The following AKAP8L variants were observed in gnomAD, a reference collection of about 807,000 sequenced individuals.
AKAP8L encodes A-kinase anchoring protein 8 like.
A neutral mutation model predicts 77.5 loss-of-function variants in AKAP8L; 34 were observed. The observed-to-expected ratio is 0.44, with a 90% CI of 0.33 to 0.58. The LOEUF (loss-of-function observed/expected upper bound fraction) is 0.58. AKAP8L is among the 20% of genes least tolerant of loss of function. The pLI is 0.02. For synonymous variants in AKAP8L, 342 were observed against 340.7 expected, an observed-to-expected ratio of 1.00 and a Z score of -0.04; for missense variants, 806 against 887.6, an observed-to-expected ratio of 0.91 and a Z score of 1.17.
rs118019161 is a variant in AKAP8L, at chr19:15,418,930, G to C, written c.-7C>G. The C allele has an allele frequency of 2.8e-5, 45 of 1,603,414 alleles. 1 individual carries two copies. In the Admixed American group the frequency reaches 6.8e-4, roughly 24 times the overall value. On this transcript the variant is annotated 5_prime_UTR_variant, in exon 1 of 14. Coordinates refer to ENST00000397410, the MANE Select transcript of AKAP8L (RefSeq NM_014371.4). Reference sequence around the variant, plus strand: ...GCCCACCTGTGTAGCTCATGGTGGCGGGCAACACAACATCCGACGACGCCG... The same window carrying C: ...GCCCACCTGTGTAGCTCATGGTGGCCGGCAACACAACATCCGACGACGCCG...
rs1016225660 is a variant in AKAP8L, at chr19:15,416,079, G to A, written c.13+2832C>T. Among the ~76,000 whole-genome samples the A allele has an allele frequency of 4.6e-5, 7 of 151,382 alleles. No individual in the cohort carries two copies. In the East Asian group the frequency reaches 5.8e-4, roughly 13 times the overall value. The stretch of plus-strand genomic sequence containing the variant: ...TGGCCTCAAGCAATCTTCCTGCCTC[G>A]GCCTCCCAAAGTGTTGTGATTACAA... On this transcript the variant is annotated intron_variant, in intron 1 of 13. Coordinates refer to ENST00000397410, the MANE Select transcript of AKAP8L (RefSeq NM_014371.4).
intron 1 of AKAP8L, among the ~76,000 whole-genome samples, chr19:15,416,386 G>A (rs1219374285): frequency 6.6e-6 from 1 of 152,142 alleles, no homozygotes; most frequent in African/African-American, 2.4e-5. Flanking sequence ...TGCTCTTTCT[G>A]GGATCATTCA....
At chr19:15,404,901 C>T (rs1967966647) in intron 2 of AKAP8L, among the ~76,000 whole-genome samples, 2 of 152,230 alleles carry the variant, frequency 1.3e-5, no homozygotes, top group Admixed American at 1.3e-4. Context: ...TCGTCCTGCA[C>T]TTGGGTTCCT....
At chr19:15,415,176 G>T (rs1474241745) in intron 1 of AKAP8L, among the ~76,000 whole-genome samples, 1 of 152,146 alleles carries the variant, frequency 6.6e-6, no homozygotes, top group Non-Finnish European at 1.5e-5. Flanking sequence ...GCTCATGTCT[G>T]TAATACCAGT....
chr19:15,396,371 T>C (rs1967776442), intron 12 of AKAP8L, among the ~76,000 whole-genome samples: 1 of 152,096 alleles, frequency 6.6e-6, no homozygotes, highest in Non-Finnish European at 1.5e-5. Flanking sequence ...CAACACAGCA[T>C]GTCATCCATT....
chr19:15,418,555 A>G (rs1053235139), intron 1 of AKAP8L, among the ~76,000 whole-genome samples: 2 of 152,202 alleles, frequency 1.3e-5, no homozygotes, highest in Non-Finnish European at 2.9e-5. Context: ...GCCTGCTCGC[A>G]AGGACCAAGG....
At chr19:15,389,533 G>A (rs1826115094) in intron 12 of AKAP8L, among the ~76,000 whole-genome samples, 1 of 152,088 alleles carries the variant, frequency 6.6e-6, no homozygotes, top group Non-Finnish European at 1.5e-5. Context: ...AGCACTTTGG[G>A]AGGCCGAGGC....
At chr19:15,407,893 A>C (rs1425035471) in intron 2 of AKAP8L, among the ~76,000 whole-genome samples, 2 of 152,274 alleles carry the variant, frequency 1.3e-5, no homozygotes, top group Admixed American at 6.5e-5. Context: ...AAAACTTCAT[A>C]AACTGATTCT....
Position 15,380,400 on chromosome 19 carries a change from C to A in AKAP8L, c.1663G>T (p.Glu555Ter). ...TCAGCCTCCTCCTGCTCCTTCTCCT[C>A]CTCGGGGCTGTCGGTGAAAGGGTTC... is the stretch of plus-strand genomic sequence containing the variant. ...GENPFTDSPE[E>*]EKEQEEAEGG... The change falls in exon 14 of 14, where the codon GAG (glutamate) becomes TAG (stop). Residue 555 changes from glutamate (E) to a stop codon, truncating the protein, a stop_gained. Transcript: ENST00000397410. LOFTEE classifies it low-confidence loss of function (END_TRUNC). The A allele has an allele frequency of 1.3e-6, 2 of 1,592,936 alleles. No individual in the cohort carries two copies. Among genetic ancestry groups the A allele is most frequent in the Non-Finnish European group, 1.7e-6 (2 of 1,171,290 alleles).
intron 8 of AKAP8L, chr19:15,400,033 C>T: frequency 1.8e-6 from 1 of 554,834 alleles, no homozygotes. Flanking sequence ...CACACTTTTA[C>T]TAGCTGCCCC....
chr19:15,389,546 G>C (rs1195688260), intron 12 of AKAP8L, among the ~76,000 whole-genome samples: 1 of 152,180 alleles, frequency 6.6e-6, no homozygotes, highest in Non-Finnish European at 1.5e-5. Flanking sequence ...GCCGAGGCGG[G>C]CAGATCACGA....
At chr19:15,385,346 T>G (rs1185526168) in intron 12 of AKAP8L, among the ~76,000 whole-genome samples, 1 of 149,992 alleles carries the variant, frequency 6.7e-6, no homozygotes, top group Non-Finnish European at 1.5e-5. Flanking sequence ...CACGTCTGGC[T>G]AATTTTTTGT....
intron 12 of AKAP8L, among the ~76,000 whole-genome samples, chr19:15,395,299 C>T (rs1056986668): frequency 2.7e-5 from 4 of 150,130 alleles, no homozygotes; most frequent in Non-Finnish European, 5.9e-5. Flanking sequence ...CCCAAAGTGC[C>T]GTGCCCATTG....
In AKAP8L at chr19:15,399,888, G is replaced by A; in HGVS notation, c.1048+407C>T. 1 of 318,838 alleles carries A rather than the reference G, an allele frequency of 3.1e-6. No individual in the cohort carries two copies. 19.8% of individuals were successfully genotyped at this position (318,838 alleles called of 1,614,324 possible). ...ACGGAATCCCAACAGGGGCTGGAGA[G>A]GTGCTAAGGGAGAGGATACGCACAC... On this transcript the variant is annotated intron_variant, in intron 8 of 13. Coordinates refer to ENST00000397410, the MANE Select transcript of AKAP8L (RefSeq NM_014371.4). The surrounding 1 kb of genome is among the most constrained non-coding windows in gnomAD (Gnocchi z 6.1).
chr19:15,403,404 G>C lies in AKAP8L; in HGVS notation c.362+71C>G. 1.4e-6 allele frequency: 2 copies of C among 1,466,888 alleles called. No individual in the cohort carries two copies. The highest frequency in any genetic ancestry group is 1.9e-6 in the Non-Finnish European group (2 of 1,053,010). 90.9% of individuals were successfully genotyped at this position (1,466,888 alleles called of 1,614,324 possible). On this transcript the variant is annotated intron_variant, in intron 4 of 13. Transcript: ENST00000397410. The surrounding 1 kb of genome is among the most constrained non-coding windows in gnomAD (Gnocchi z 4.3). ...GCAGACACAGAGGGGCACTCAGAGA[G>C]GAAAACGCAGTGGGCAGCAGGCAGG...
At chr19:15,396,115 CAG>C (rs548927129) in intron 12 of AKAP8L, among the ~76,000 whole-genome samples, 105 of 152,158 alleles carry the variant, frequency 6.9e-4, no homozygotes, top group African/African-American at 2.3e-3. Context: ...TCTCTGCAAC[CAG>C]AGAGACCCCT....
intron 12 of AKAP8L, among the ~76,000 whole-genome samples, chr19:15,388,212 A>C (rs1045041002): frequency 6.7e-6 from 1 of 148,974 alleles, no homozygotes; most frequent in Admixed American, 6.7e-5. Context: ...AAAATCTAGC[A>C]AGTCACTAAA....
At chr19:15,395,728 T>C (rs913945512) in intron 12 of AKAP8L, among the ~76,000 whole-genome samples, 58 of 147,524 alleles carry the variant, frequency 3.9e-4, no homozygotes, top group Non-Finnish European at 7.6e-4. Flanking sequence ...CTCACGCCTG[T>C]AATCCCAGCA....
chr19:15,400,749 C>A (rs576055727), intron 7 of AKAP8L, 45 bp downstream of exon 7: 2 of 1,609,388 alleles, frequency 1.2e-6, no homozygotes, highest in East Asian at 4.5e-5. Context: ...TTTAGGCCAG[C>A]TCGCCCTGCC....
Sources: gnomAD v4.1 joint callset for allele counts (sites outside exome capture counted in the v4.1 genomes callset) on GRCh38, gnomAD v4.1.1 for gene constraint, Gnocchi (gnomAD v3.1) non-coding constraint, MANE v1.5 for transcripts, NCBI Gene and HGNC (gene_info 2026-07-23, HGNC 2026-07-21) for gene names.